The following ANO10 variants were observed in gnomAD, a reference collection of about 807,000 sequenced individuals.
ANO10 encodes the protein anoctamin 10, also known as anoctamin-10.
Under a neutral mutation model 74.7 loss-of-function variants are expected in ANO10, and 77 were observed. The observed-to-expected ratio is 1.03, with a 90% CI of 0.86 to 1.25. The LOEUF (loss-of-function observed/expected upper bound fraction) is 1.25. ANO10 is among the 50% of genes most tolerant of loss of function. The pLI is 0.00. For missense variants in ANO10, 721 were observed against 778.1 expected, an observed-to-expected ratio of 0.93 and a Z score of 0.87; for synonymous variants, 279 against 284.9, an observed-to-expected ratio of 0.98 and a Z score of 0.21.
At chr3:43,410,143 A>G (rs2092642085) in intron 12 of ANO10, among the ~76,000 whole-genome samples, 3 of 152,114 alleles carry the variant, frequency 2.0e-5, no homozygotes, top group South Asian at 2.1e-4. Context: ...CGTATTTAAC[A>G]TAAGATGACA....
chr3:43,420,569 T>C (rs1297053415), intron 12 of ANO10, among the ~76,000 whole-genome samples: 1 of 152,120 alleles, frequency 6.6e-6, no homozygotes, highest in Non-Finnish European at 1.5e-5. Context: ...AAACAAAAAA[T>C]TTCCTATTTT....
chr3:43,389,851 C>T (rs1349302972), intron 12 of ANO10, among the ~76,000 whole-genome samples: 4 of 152,238 alleles, frequency 2.6e-5, no homozygotes, highest in South Asian at 2.1e-4. Flanking sequence ...ATGCGTGTTC[C>T]GGGCTGGGAG....
At chr3:43,635,423 T>A (rs1460712928) in intron 1 of ANO10, among the ~76,000 whole-genome samples, 1 of 152,220 alleles carries the variant, frequency 6.6e-6, no homozygotes, top group Non-Finnish European at 1.5e-5. Context: ...AACCTATAGA[T>A]GTTACACTGA....
intron 12 of ANO10, among the ~76,000 whole-genome samples, chr3:43,407,795 G>A (rs1370259617): frequency 1.3e-5 from 2 of 152,198 alleles, no homozygotes; most frequent in Non-Finnish European, 2.9e-5. Context: ...AACCAGCAGG[G>A]TGAAGAGAAT....
At chr3:43,614,196 A>G (rs1280812351) in intron 1 of ANO10, among the ~76,000 whole-genome samples, 1 of 152,236 alleles carries the variant, frequency 6.6e-6, no homozygotes, top group Non-Finnish European at 1.5e-5. Context: ...TAAAAGGACA[A>G]CCTTATTCAT....
Position 43,432,944 on chromosome 3 carries a change from C to CTTTTTTTTTTTTTTTTTT in ANO10, c.1798-235_1798-218dup, listed in dbSNP as rs5848663. On this transcript the variant is annotated intron_variant, in intron 11 of 12. Coordinates refer to ENST00000292246, the MANE Select transcript of ANO10 (RefSeq NM_018075.5). Reference sequence around the variant, plus strand: ...CAGTAATTACTGACTTTGCTTAATTCTTTTTTTTTTTTTTTTTTTTTTTTT... The same window carrying CTTTTTTTTTTTTTTTTTT: ...CAGTAATTACTGACTTTGCTTAATTCTTTTTTTTTTTTTTTTTTTTTTTTTTTTTTTTTTTTTTTTTTT... 1.5e-3 allele frequency among the ~76,000 whole-genome samples: 81 copies of CTTTTTTTTTTTTTTTTTT among 55,282 alleles called. 19 individuals are homozygous for CTTTTTTTTTTTTTTTTTT. Among genetic ancestry groups the CTTTTTTTTTTTTTTTTTT allele is most frequent in the South Asian group, 2.0e-3 (2 of 1,002 alleles). 36.3% of individuals were successfully genotyped at this position (55,282 alleles called of 152,430 possible).
At chr3:43,570,337 A>C (rs1253025974) in intron 7 of ANO10, among the ~76,000 whole-genome samples, 2 of 151,066 alleles carry the variant, frequency 1.3e-5, no homozygotes, top group East Asian at 2.0e-4. Context: ...AAACTACTTT[A>C]AAGTTCATAT....
intron 12 of ANO10, among the ~76,000 whole-genome samples, chr3:43,396,171 C>A (rs1460209388): frequency 6.6e-6 from 1 of 151,732 alleles, no homozygotes. Flanking sequence ...TTCCTTATAC[C>A]AAGGGGAAAG....
At chr3:43,672,009 T>G (rs1052439300) in intron 1 of ANO10, among the ~76,000 whole-genome samples, 1 of 152,172 alleles carries the variant, frequency 6.6e-6, no homozygotes, top group African/African-American at 2.4e-5. Flanking sequence ...AGAGGAGGGT[T>G]TATTGTGCAG....
chr3:43,612,152 A>G (rs1181113449), intron 1 of ANO10, among the ~76,000 whole-genome samples: 2 of 108,166 alleles, frequency 1.8e-5, no homozygotes, highest in Non-Finnish European at 3.8e-5. Context: ...ATATATATAT[A>G]TATATATATA....
chr3:43,386,648 C>CATGT (rs1553643241), intron 12 of ANO10, among the ~76,000 whole-genome samples: 9 of 139,892 alleles, frequency 6.4e-5, no homozygotes, highest in Non-Finnish European at 9.2e-5. Flanking sequence ...TAGGTGTGTA[C>CATGT]GTGTGTGTGT....
chr3:43,390,868 G>A (rs114540974), intron 12 of ANO10, among the ~76,000 whole-genome samples: 323 of 152,256 alleles, frequency 2.1e-3, no homozygotes, highest in African/African-American at 6.2e-3. Context: ...TAATCAGAAC[G>A]GATCTAAGGA....
chr3:43,587,931 T>C (rs918261750), intron 4 of ANO10, among the ~76,000 whole-genome samples: 1 of 152,144 alleles, frequency 6.6e-6, no homozygotes, highest in African/African-American at 2.4e-5. Flanking sequence ...AATGGAAACT[T>C]TTCTAGGAAA....
At chr3:43,552,610 T>C (rs1311965836) in intron 10 of ANO10, among the ~76,000 whole-genome samples, 2 of 151,012 alleles carry the variant, frequency 1.3e-5, no homozygotes, top group African/African-American at 4.9e-5. Context: ...TCTCTTAGGA[T>C]AGGTGTACTG....
At chr3:43,441,882 C>T (rs1357456110) in intron 11 of ANO10, among the ~76,000 whole-genome samples, 1 of 151,880 alleles carries the variant, frequency 6.6e-6, no homozygotes, top group Non-Finnish European at 1.5e-5. Flanking sequence ...ATACACCACA[C>T]TAACAGAATG....
At chr3:43,655,084 T>C (rs555729545) in intron 1 of ANO10, among the ~76,000 whole-genome samples, 77 of 152,316 alleles carry the variant, frequency 5.1e-4, no homozygotes, top group African/African-American at 1.8e-3. Context: ...AACAATCATT[T>C]TCCTTTTACA....
chr3:43,521,946 CAT>C (rs1371536661), intron 11 of ANO10, among the ~76,000 whole-genome samples: 2 of 152,162 alleles, frequency 1.3e-5, no homozygotes, highest in East Asian at 1.9e-4. Context: ...CATACAATGA[CAT>C]ATTATTTAGC....
chr3:43,507,622 G>GA (rs1171505100), intron 11 of ANO10, among the ~76,000 whole-genome samples: 6 of 152,092 alleles, frequency 3.9e-5, no homozygotes, highest in African/African-American at 9.7e-5. Flanking sequence ...TGGACTGCAG[G>GA]AGAGTCACTG....
intron 1 of ANO10, among the ~76,000 whole-genome samples, chr3:43,670,408 G>A (rs1198975008): frequency 1.3e-5 from 2 of 151,934 alleles, no homozygotes; most frequent in Non-Finnish European, 2.9e-5. Flanking sequence ...GGAGATTTAT[G>A]CTTAAGAGTC....
Sources: allele counts gnomAD v4.1 joint callset (sites outside exome capture counted in the v4.1 genomes callset), GRCh38; gene constraint gnomAD v4.1.1; transcripts MANE v1.5; gene names NCBI Gene and HGNC (gene_info 2026-07-23, HGNC 2026-07-21).